The following SMARCAD1 variants were observed in gnomAD, a reference collection of about 807,000 sequenced individuals.
SMARCAD1 encodes the protein SWI/SNF-related matrix-associated actin-dependent regulator of chromatin subfamily A containing DEAD/H box 1.
Under a neutral mutation model 127.1 loss-of-function variants are expected in SMARCAD1, and 25 were observed. That is an observed-to-expected ratio of 0.20 (90% CI 0.14 to 0.27). SMARCAD1 has a LOEUF of 0.27. Ranked by LOEUF, SMARCAD1 falls within the 10% of genes least tolerant of loss-of-function variation. The pLI is 1.00. For missense variants in SMARCAD1, 807 were observed against 1,206.0 expected, an observed-to-expected ratio of 0.67 and a Z score of 4.90; for synonymous variants, 400 against 396.9, an observed-to-expected ratio of 1.01 and a Z score of -0.09.
chr4:94,208,246 T>G, intron 1 of SMARCAD1, 100 bp from the exon 2 acceptor site: 1 of 834,116 alleles, frequency 1.2e-6, no homozygotes, highest in Non-Finnish European at 2.1e-6. Flanking sequence ...GCCACTGGCA[T>G]GTTTGCGGGC....
At chr4:94,228,254 C>CA (rs547669815) in intron 3 of SMARCAD1, among the ~76,000 whole-genome samples, 72 of 149,390 alleles carry the variant, frequency 4.8e-4, no homozygotes, top group South Asian at 1.5e-3. Context: ...AGAAAAGTTG[C>CA]AAAAAAAAAT....
chr4:94,242,216 T>C (rs1211329063), intron 6 of SMARCAD1, among the ~76,000 whole-genome samples: 1 of 151,752 alleles, frequency 6.6e-6, no homozygotes, highest in Non-Finnish European at 1.5e-5. Flanking sequence ...TGTTTTTTTT[T>C]TAATTTTTTG....
intron 10 of SMARCAD1, among the ~76,000 whole-genome samples, chr4:94,265,117 A>G (rs1751540995): frequency 6.6e-6 from 1 of 151,872 alleles, no homozygotes; most frequent in Non-Finnish European, 1.5e-5. Flanking sequence ...TCATATCATT[A>G]TAAATTAAAG....
chr4:94,250,853 G>T lies in SMARCAD1; in HGVS notation c.889+20G>T. ...ACCAAGGTAATTATTCTGGGTCATA[G>T]AAAATACATACTTCTCATTATAGTC... is the stretch of plus-strand genomic sequence containing the variant. On this transcript the variant is annotated intron_variant, in intron 8 of 23. Transcript: ENST00000354268. 1 of 1,550,860 alleles carries T rather than the reference G, an allele frequency of 6.4e-7. No homozygotes were observed. The highest frequency in any genetic ancestry group is 8.9e-7 in the Non-Finnish European group (1 of 1,123,098).
chr4:94,227,530 A>G (rs1443345033), intron 3 of SMARCAD1, among the ~76,000 whole-genome samples: 2 of 152,186 alleles, frequency 1.3e-5, no homozygotes, highest in African/African-American at 4.8e-5. Context: ...AGATGGAGCA[A>G]GAGAGGATTT....
At chr4:94,220,003 G>A (rs1036564188) in intron 2 of SMARCAD1, among the ~76,000 whole-genome samples, 1 of 152,074 alleles carries the variant, frequency 6.6e-6, no homozygotes, top group African/African-American at 2.4e-5. Context: ...CTCTGTTTTT[G>A]TAGTTTTCCT....
At chr4:94,275,800 T>TCTTTTATTTTA (rs1309423240) in intron 14 of SMARCAD1, among the ~76,000 whole-genome samples, 1 of 141,172 alleles carries the variant, frequency 7.1e-6, no homozygotes, top group African/African-American at 2.6e-5. Flanking sequence ...CATTTTCTTT[T>TCTTTTATTTTA]TTTTTTTTTT....
chr4:94,227,653 G>A (rs1214900416), intron 3 of SMARCAD1, among the ~76,000 whole-genome samples: 1 of 152,166 alleles, frequency 6.6e-6, no homozygotes, highest in African/African-American at 2.4e-5. Flanking sequence ...AAAGGTGACT[G>A]TTTCTGCTGT....
chr4:94,283,523 C>G (rs978945820), intron 22 of SMARCAD1, among the ~76,000 whole-genome samples: 4 of 152,144 alleles, frequency 2.6e-5, no homozygotes, highest in African/African-American at 7.2e-5. Flanking sequence ...TTCTGCAGTT[C>G]ATGAAGTATT....
At chr4:94,254,141 G>C (rs1749705661) in intron 9 of SMARCAD1, among the ~76,000 whole-genome samples, 1 of 152,064 alleles carries the variant, frequency 6.6e-6, no homozygotes, top group South Asian at 2.1e-4. Context: ...ATATTCCATA[G>C]CTTTAAAAAA....
At chr4:94,271,144 A>G (rs1307966427) in intron 11 of SMARCAD1, among the ~76,000 whole-genome samples, 1 of 152,218 alleles carries the variant, frequency 6.6e-6, no homozygotes, top group Non-Finnish European at 1.5e-5. Flanking sequence ...CTTCTTTTCT[A>G]GATACTACCT....
At chr4:94,281,943 G>T (rs1412065483) in intron 21 of SMARCAD1, among the ~76,000 whole-genome samples, 1 of 151,608 alleles carries the variant, frequency 6.6e-6, no homozygotes, top group Non-Finnish European at 1.5e-5. Flanking sequence ...GGAGGCTGAG[G>T]TGGGAGGATT....
chr4:94,275,796 C>A (rs867040679), intron 14 of SMARCAD1, among the ~76,000 whole-genome samples: 44 of 85,398 alleles, frequency 5.2e-4, no homozygotes, highest in East Asian at 2.5e-3. Context: ...TTAACATTTT[C>A]TTTTTTTTTT....
At chr4:94,221,040 T>A (rs768213818) in intron 2 of SMARCAD1, among the ~76,000 whole-genome samples, 50 of 152,196 alleles carry the variant, frequency 3.3e-4, no homozygotes, top group Non-Finnish European at 5.9e-4. Flanking sequence ...ATTTGGCAGA[T>A]GTTTTCTCAA....
intron 6 of SMARCAD1, among the ~76,000 whole-genome samples, chr4:94,243,426 T>C (rs1406699804): frequency 1.3e-5 from 2 of 152,188 alleles, no homozygotes; most frequent in Non-Finnish European, 2.9e-5. Flanking sequence ...CTGCTGCCAA[T>C]GCTCCGTTTT....
rs1755566791 is a variant in SMARCAD1, at chr4:94,290,683, A to G, written c.*1149A>G. 1 of 445,016 alleles carries G rather than the reference A, an allele frequency of 2.2e-6. No homozygotes were observed. Among genetic ancestry groups the G allele is most frequent in the Non-Finnish European group, 4.5e-6 (1 of 223,126 alleles). 27.6% of individuals were successfully genotyped at this position (445,016 alleles called of 1,614,324 possible). ...TATTTGATATTTAACTCTTTATTAA[A>G]TCTTTCTTTAAATTTCTGCCTGTCA... On this transcript the variant is annotated 3_prime_UTR_variant, in exon 24 of 24. Transcript: ENST00000354268.
chr4:94,289,397 A>C, intron 23 of SMARCAD1, 76 bp from the exon 24 acceptor site: 1 of 1,350,290 alleles, frequency 7.4e-7, no homozygotes, highest in South Asian at 1.2e-5. Context: ...TCACCAAAGA[A>C]AAAAAATAAT....
intron 14 of SMARCAD1, among the ~76,000 whole-genome samples, chr4:94,276,089 T>G (rs893890304): frequency 2.0e-5 from 3 of 152,068 alleles, no homozygotes; most frequent in Non-Finnish European, 4.4e-5. Context: ...GAGCCACCGC[T>G]CCCAGCCTTT....
At chr4:94,271,544 G>A (rs1560558169) in intron 11 of SMARCAD1, among the ~76,000 whole-genome samples, 1 of 152,102 alleles carries the variant, frequency 6.6e-6, no homozygotes, top group Non-Finnish European at 1.5e-5. Context: ...CACAGATAAT[G>A]ATATTTGTTC....
Sources: gnomAD v4.1 joint callset for allele counts (sites outside exome capture counted in the v4.1 genomes callset) on GRCh38, gnomAD v4.1.1 for gene constraint, MANE v1.5 for transcripts, NCBI Gene and HGNC (gene_info 2026-07-23, HGNC 2026-07-21) for gene names.